The following SQLE variants were observed in gnomAD, a reference collection of about 807,000 sequenced individuals.
SQLE encodes squalene epoxidase, also known as squalene monooxygenase.
In SQLE, 29 loss-of-function variants were observed where a neutral mutation model predicts 60.7. The observed-to-expected ratio is 0.48, with a 90% CI of 0.36 to 0.65. SQLE has a LOEUF of 0.65. Ranked by LOEUF, SQLE falls within the 30% of genes least tolerant of loss-of-function variation. SQLE has a pLI of 0.00. For synonymous variants in SQLE, 237 were observed against 246.8 expected (o/e 0.96, Z 0.37); for missense variants, 605 against 684.1 (o/e 0.88, Z 1.29).
At chr8:125,018,505 T>C in intron 8 of SQLE, 126 bp from the exon 9 acceptor site, 1 of 690,182 alleles carries the variant, frequency 1.4e-6, no homozygotes, top group East Asian at 2.8e-5. Flanking sequence ...TTGTAAATGA[T>C]AAACATAAGG....
intron 4 of SQLE, 84 bp downstream of exon 4, chr8:125,007,571 C>G: frequency 1.2e-6 from 1 of 846,242 alleles, no homozygotes; most frequent in South Asian, 1.9e-5. Context: ...AGTAGGCTTA[C>G]CGGTTTACAT....
In SQLE at chr8:125,016,734, G is replaced by A. The variant is rs537904324; in HGVS notation, c.1205-1325G>A. Among the ~76,000 whole-genome samples the A allele has an allele frequency of 6.6e-6, 1 of 152,254 alleles. No homozygotes were observed. Among genetic ancestry groups the A allele is most frequent in the Non-Finnish European group, 1.5e-5 (1 of 68,024 alleles). On this transcript the variant is annotated intron_variant, in intron 7 of 10. Transcript: ENST00000265896. The surrounding 1 kb of genome is among the most constrained non-coding windows in gnomAD (Gnocchi z 4.1). ...TGGTCTTCGGAGTCTGGGCTTGTTT[G>A]TACCCATCTTTCTTGGGAACGCTTT...
In SQLE at chr8:124,999,461, TTCA is replaced by T; in HGVS notation, c.62_64del (p.Ile21del). On this transcript the variant is annotated inframe_deletion, in exon 1 of 11. Transcript: ENST00000265896. ...CTATTTTTATAAGAAGTTCGGGGAC[TTCA>T]TCACTTTGGCCAACAGGGAGGTCCT... 6.4e-7 allele frequency: 1 copy of T among 1,560,646 alleles called. No individual in the cohort carries two copies. The highest frequency in any genetic ancestry group is 8.7e-7 in the Non-Finnish European group (1 of 1,152,870).
In SQLE at chr8:125,003,264, T is replaced by C; in HGVS notation, c.380T>C (p.Ile127Thr). 3.7e-6 allele frequency: 6 copies of C among 1,613,958 alleles called. No individual in the cohort carries two copies. The highest frequency in any genetic ancestry group is 5.1e-6 in the Non-Finnish European group (6 of 1,179,892). Residue 127 changes from isoleucine to threonine, a missense_variant, in exon 2 of 11, where the codon ATC becomes ACC. Ile to Thr is a moderately conservative substitution (Grantham distance 89). Transcript: ENST00000265896. ...STSSQNDPEV[I>T]IVGAGVLGSA... ...TCTTCTCAGAATGACCCAGAAGTTA[T>C]CATCGTGGGAGCTGGCGTGCTTGGC...
At chr8:125,018,749 T>G in intron 9 of SQLE, 22 bp downstream of exon 9, 1 of 1,459,004 alleles carries the variant, frequency 6.9e-7, no homozygotes, top group Non-Finnish European at 9.4e-7. Flanking sequence ...CACTTTTTAG[T>G]GAATATTACT....
At chr8:125,002,494 A>G (rs1329765993) in intron 1 of SQLE, among the ~76,000 whole-genome samples, 3 of 152,188 alleles carry the variant, frequency 2.0e-5, no homozygotes, top group Non-Finnish European at 4.4e-5. Context: ...CCTGACCAAC[A>G]TGGAGAAGCC....
chr8:125,011,781 T>A, intron 7 of SQLE, 149 bp downstream of exon 7: 2 of 689,688 alleles, frequency 2.9e-6, no homozygotes, highest in Non-Finnish European at 4.8e-6. Context: ...AGTTTTATGA[T>A]CTATTTAGTT....
chr8:125,005,747 T>A, intron 3 of SQLE, 42 bp downstream of exon 3: 1 of 1,450,614 alleles, frequency 6.9e-7, no homozygotes, highest in Non-Finnish European at 9.2e-7. Context: ...AAAGAATCAA[T>A]GCATTTAAAT....
intron 2 of SQLE, 145 bp downstream of exon 2, chr8:125,003,573 AAGTG>A (rs1814899073): frequency 1.0e-6 from 1 of 955,406 alleles, no homozygotes; most frequent in African/African-American, 1.6e-5. Flanking sequence ...ATTTGCATGA[AAGTG>A]AGAGCAAAGG....
intron 9 of SQLE, among the ~76,000 whole-genome samples, chr8:125,019,696 A>G (rs952887683): frequency 6.6e-6 from 1 of 152,244 alleles, no homozygotes; most frequent in Non-Finnish European, 1.5e-5. Context: ...TCAGTTTTCA[A>G]GAATAAATAC....
Position 125,021,956 on chromosome 8 carries a change from G to A in SQLE, c.*11G>A, listed in dbSNP as rs1410632866. The A allele has an allele frequency of 1.3e-6, 2 of 1,566,454 alleles. No individual in the cohort carries two copies. Among genetic ancestry groups the A allele is most frequent in the Admixed American group, 3.7e-5 (2 of 53,838 alleles). ...TATATGGTTCATTAAGCTTAAAGGG[G>A]AACCATTTGTGAATGAATATTTGGA... is the stretch of plus-strand genomic sequence containing the variant. On this transcript the variant is annotated 3_prime_UTR_variant, in exon 11 of 11. Transcript: ENST00000265896.
chr8:125,021,833 A>G lies in SQLE; in HGVS notation c.1613A>G (p.Glu538Gly). 1 of 1,610,540 alleles carries G rather than the reference A, an allele frequency of 6.2e-7. No individual in the cohort carries two copies. The highest frequency in any genetic ancestry group is 8.5e-7 in the Non-Finnish European group (1 of 1,178,148). ...GCCGTGTATTTTTGCTTTAAGTCAGAACCTTGGATTACAAAACCTCGAGCC... is the reference window on the plus strand; with the variant it reads ...GCCGTGTATTTTTGCTTTAAGTCAGGACCTTGGATTACAAAACCTCGAGCC... ...IYAVYFCFKS[E>G]PWITKPRALL... Residue 538 changes from glutamate (E) to glycine (G), a missense_variant, in exon 11 of 11, where the codon GAA becomes GGA. Physicochemically the swap from Glu to Gly is moderately conservative, Grantham distance 98 (BLOSUM62 -2). Coordinates refer to ENST00000265896, the MANE Select transcript of SQLE (RefSeq NM_003129.4).
chr8:125,007,969 A>G (rs1814981292), intron 4 of SQLE, among the ~76,000 whole-genome samples: 2 of 152,274 alleles, frequency 1.3e-5, no homozygotes, highest in South Asian at 4.1e-4. Flanking sequence ...GGGAACTAGC[A>G]GGGGAAAGAA....
intron 1 of SQLE, among the ~76,000 whole-genome samples, chr8:125,000,714 A>G (rs1284928027): frequency 6.6e-6 from 1 of 152,108 alleles, no homozygotes; most frequent in Non-Finnish European, 1.5e-5. Context: ...TCAGCCTCCC[A>G]AAGTGCTGAG....
At position 125,016,829 on chromosome 8, in the gene SQLE, G is replaced by A. The variant is rs556225402; in HGVS notation, c.1205-1230G>A. On this transcript the variant is annotated intron_variant, in intron 7 of 10. Transcript: ENST00000265896. This position sits in a 1 kb window ranked among gnomAD's most constrained non-coding sequence, Gnocchi z 4.1. ...TCATAGCAGCCGTATCTGTATTAAG[G>A]GGCACCCCAAGTCCAGTAACATTGT... Among the ~76,000 whole-genome samples, 8 of 152,306 alleles carry A rather than the reference G, an allele frequency of 5.3e-5. No homozygotes were observed. Among genetic ancestry groups the A allele is most frequent in the Middle Eastern group, 3.4e-3 (1 of 294 alleles).
chr8:125,008,095 G>C (rs888044586), intron 4 of SQLE, among the ~76,000 whole-genome samples: 1 of 151,832 alleles, frequency 6.6e-6, no homozygotes, highest in African/African-American at 2.4e-5. Context: ...ATTTTATTTT[G>C]TTTTATTTTT....
chr8:125,021,985 TACC>T lies in SQLE; in HGVS notation c.*42_*44del. On this transcript the variant is annotated 3_prime_UTR_variant, in exon 11 of 11. Coordinates refer to ENST00000265896, the MANE Select transcript of SQLE (RefSeq NM_003129.4). Reference sequence around the variant, plus strand: ...CATTTGTGAATGAATATTTGGAACTTACCAAGTCCTAAGAGACTTTTGGAAGAG... The same window carrying T: ...CATTTGTGAATGAATATTTGGAACTTAAGTCCTAAGAGACTTTTGGAAGAG... 1 of 1,487,714 alleles carries T rather than the reference TACC, an allele frequency of 6.7e-7. No homozygotes were observed. The highest frequency in any genetic ancestry group is 9.1e-7 in the Non-Finnish European group (1 of 1,095,872). The allele number at this position is 1,487,714 out of a possible 1,614,324, so 92.2% of individuals were successfully genotyped here.
Position 125,005,695 on chromosome 8 carries a change from G to C in SQLE, c.715G>C (p.Ala239Pro), listed in dbSNP as rs750283022. 2.5e-6 allele frequency: 4 copies of C among 1,590,376 alleles called. No homozygotes were observed. The African/African-American group carries it at 5.4e-5, about 21-fold the overall frequency. The change falls in exon 3 of 11, where the codon GCA (alanine) becomes CCA (proline). Residue 239 changes from alanine to proline, a missense_variant. Physicochemically the swap from Ala to Pro is conservative, Grantham distance 27 (BLOSUM62 -1). Transcript: ENST00000265896. ...CATGAGTCTCCGGAAAGCAGCTATG[G>C]CAGAGCCCAAGTAAGACCACAGTTT... The part of the protein sequence containing the change: ...FIMSLRKAAM[A>P]EPNAKFIEGV...
rs757533688 is a variant in SQLE at position 125,020,897 on chromosome 8, C to T, written c.1532+26C>T. The T allele has an allele frequency of 2.0e-5, 30 of 1,531,748 alleles. No homozygotes were observed. The Admixed American group carries it at 4.9e-4, about 25-fold the overall frequency. 94.9% of individuals were successfully genotyped at this position (1,531,748 alleles called of 1,614,324 possible). A position where few individuals can be genotyped will look rare whatever the true frequency, so the allele number is the denominator to read the frequency against. The stretch of plus-strand genomic sequence containing the variant: ...GTAAGTTGTGATGGCACAGAGGATA[C>T]AAACCTGCCAGATTTTCTTAGGACT... On this transcript the variant is annotated intron_variant, in intron 10 of 10. Coordinates refer to ENST00000265896, the MANE Select transcript of SQLE (RefSeq NM_003129.4).
Sources: gnomAD v4.1 joint callset for allele counts (sites outside exome capture counted in the v4.1 genomes callset) on GRCh38, gnomAD v4.1.1 for gene constraint, Gnocchi (gnomAD v3.1) non-coding constraint, MANE v1.5 for transcripts, NCBI Gene and HGNC (gene_info 2026-07-23, HGNC 2026-07-21) for gene names.